The following ADAP1 variants were observed in gnomAD, a reference collection of about 807,000 sequenced individuals.
The protein encoded by ADAP1 is ArfGAP with dual PH domains 1.
In ADAP1, 31 loss-of-function variants were observed where a neutral mutation model predicts 54.9. The observed-to-expected ratio is 0.56, with a 90% CI of 0.42 to 0.76. ADAP1 has a LOEUF of 0.76. Ranked by LOEUF, ADAP1 falls within the 30% of genes least tolerant of loss-of-function variation. ADAP1 has a pLI of 0.00. For missense variants in ADAP1, 535 were observed against 512.4 expected (o/e 1.04, Z -0.42); for synonymous variants, 313 against 202.6 (o/e 1.55, Z -4.63).
intron 2 of ADAP1, among the ~76,000 whole-genome samples, chr7:930,516 AT>A (rs199686411): frequency 2.3e-4 from 34 of 144,764 alleles, no homozygotes; most frequent in African/African-American, 3.3e-4. Flanking sequence ...TCACTACAAA[AT>A]TTTTTTTTTT....
At chr7:902,638 C>T (rs1262010639) in intron 6 of ADAP1, among the ~76,000 whole-genome samples, 4 of 151,504 alleles carry the variant, frequency 2.6e-5, no homozygotes, top group Non-Finnish European at 4.4e-5. Context: ...GCACCAATAA[C>T]AGGAGTTTCA....
intron 4 of ADAP1, among the ~76,000 whole-genome samples, chr7:906,359 GGGAGAAA>G (rs1313810877): frequency 0.049 from 44 of 904 alleles, 10 homozygotes; most frequent in African/African-American, 0.18. Context: ...AAAGGAGAAA[GGGAGAAA>G]GAGAAAGGAG....
At chr7:927,074 A>T in intron 2 of ADAP1, 1 of 1,296,868 alleles carries the variant, frequency 7.7e-7, no homozygotes, top group Middle Eastern at 2.2e-4. Flanking sequence ...AAGAGCCAAC[A>T]GGCGCCAGAC....
chr7:903,621 G>A (rs1483566156), intron 6 of ADAP1, among the ~76,000 whole-genome samples: 1 of 152,060 alleles, frequency 6.6e-6, no homozygotes, highest in Admixed American at 6.5e-5. Context: ...GTTTTACCTG[G>A]GTTCCCCCCA....
chr7:928,847 G>A (rs751972061), intron 2 of ADAP1, among the ~76,000 whole-genome samples: 2 of 152,250 alleles, frequency 1.3e-5, no homozygotes, highest in South Asian at 2.1e-4. Context: ...CCTCTGCACC[G>A]TAAGAGACGC....
At position 946,148 on chromosome 7, in the gene ADAP1, C is replaced by T. The variant is rs1051407929; in HGVS notation, c.82+8248G>A. The stretch of plus-strand genomic sequence containing the variant: ...GCATGGCTGTCCCCCAGGCACACAG[C>T]GCCCCACTCCACGCCGGGACCCAGG... On this transcript the variant is annotated intron_variant, in intron 1 of 10. Transcript: ENST00000265846. The surrounding 1 kb of genome is among the most constrained non-coding windows in gnomAD (Gnocchi z 4.3). Among the ~76,000 whole-genome samples the T allele has an allele frequency of 2.0e-5, 3 of 152,224 alleles. No individual in the cohort carries two copies. Among genetic ancestry groups the T allele is most frequent in the Non-Finnish European group, 4.4e-5 (3 of 68,032 alleles).
intron 1 of ADAP1, among the ~76,000 whole-genome samples, chr7:936,566 C>T (rs978699343): frequency 5.9e-5 from 9 of 152,310 alleles, no homozygotes; most frequent in South Asian, 2.1e-4. Context: ...ATGTGGGGAG[C>T]GTCCAGCCCC....
At chr7:950,379 G>C (rs1368928904) in intron 1 of ADAP1, among the ~76,000 whole-genome samples, 3 of 151,922 alleles carry the variant, frequency 2.0e-5, no homozygotes, top group African/African-American at 7.3e-5. Flanking sequence ...CCAGCTACTC[G>C]GGAGGCTGAG....
chr7:900,052 C>T lies in ADAP1; in HGVS notation c.795+50G>A, dbSNP rs758357871. The T allele has an allele frequency of 2.0e-5, 32 of 1,606,434 alleles. No individual in the cohort carries two copies. In the South Asian group the frequency reaches 2.9e-4, roughly 14 times the overall value. ...GGCTGCTGCACTTCAGTCCGAGACC[C>T]ACCATGGCGTACCCCAGGCCACCCC... On this transcript the variant is annotated intron_variant, in intron 8 of 10. Coordinates refer to ENST00000265846, the MANE Select transcript of ADAP1 (RefSeq NM_006869.4).
rs906150422 is a variant in ADAP1, at chr7:898,342, A to G, written c.*579T>C. On this transcript the variant is annotated 3_prime_UTR_variant, in exon 11 of 11. Coordinates refer to ENST00000265846, the MANE Select transcript of ADAP1 (RefSeq NM_006869.4). The stretch of plus-strand genomic sequence containing the variant: ...AGCCTGCTGGCCCCTCCAGGTGAGG[A>G]CCAGGAGCACAGGCTGTGGCAACTC... 5.9e-6 allele frequency: 1 copy of G among 170,112 alleles called. No homozygotes were observed. Among genetic ancestry groups the G allele is most frequent in the Non-Finnish European group, 1.3e-5 (1 of 78,080 alleles). 10.5% of individuals were successfully genotyped at this position (170,112 alleles called of 1,614,324 possible).
chr7:947,214 GT>G (rs373444087), intron 1 of ADAP1, among the ~76,000 whole-genome samples: 30,569 of 84,208 alleles, frequency 0.36, 4,827 homozygotes, highest in South Asian at 0.5. Flanking sequence ...TGATTTTTTG[GT>G]TTTTTTTTTT....
At chr7:902,139 T>G (rs959820814) in intron 6 of ADAP1, among the ~76,000 whole-genome samples, 1 of 151,190 alleles carries the variant, frequency 6.6e-6, no homozygotes, top group Admixed American at 6.6e-5. Context: ...CTGACCAACA[T>G]GGTGAAACCC....
intron 4 of ADAP1, among the ~76,000 whole-genome samples, chr7:916,148 C>A (rs924847102): frequency 1.3e-5 from 2 of 152,214 alleles, no homozygotes; most frequent in East Asian, 3.8e-4. Flanking sequence ...CTTTTTCCAG[C>A]ACTTCTGTGA....
At chr7:935,616 C>A in intron 1 of ADAP1, 111 bp from the exon 2 acceptor site, 2 of 1,359,504 alleles carry the variant, frequency 1.5e-6, no homozygotes, top group South Asian at 1.4e-5. Context: ...GGGGCTTCAG[C>A]GGAGACCCCC....
intron 9 of ADAP1, 43 bp from the exon 10 acceptor site, chr7:899,304 C>G (rs1263361917): frequency 6.2e-7 from 1 of 1,608,606 alleles, no homozygotes; most frequent in Non-Finnish European, 8.5e-7. Context: ...ATGTCCCTTC[C>G]AGCCCCGCTT....
At chr7:929,696 G>C (rs192462714) in intron 2 of ADAP1, among the ~76,000 whole-genome samples, 1 of 152,246 alleles carries the variant, frequency 6.6e-6, no homozygotes, top group Non-Finnish European at 1.5e-5. Context: ...ATGTCCTGAA[G>C]TTAGACAGTG....
At chr7:932,707 G>C (rs1330023539) in intron 2 of ADAP1, among the ~76,000 whole-genome samples, 1 of 152,114 alleles carries the variant, frequency 6.6e-6, no homozygotes, top group Non-Finnish European at 1.5e-5. Flanking sequence ...CAGTGAAGGT[G>C]GGTCGAAGGG....
chr7:904,350 G>A, intron 5 of ADAP1, 78 bp from the exon 6 acceptor site: 1 of 1,497,816 alleles, frequency 6.7e-7, no homozygotes, highest in African/African-American at 1.4e-5. Context: ...AGACCCTGTG[G>A]GTGCTGGCGG....
chr7:943,886 AAGAG>A (rs150798217), intron 1 of ADAP1, among the ~76,000 whole-genome samples: 27 of 150,266 alleles, frequency 1.8e-4, no homozygotes, highest in African/African-American at 6.7e-4. Flanking sequence ...GAAGAGGAGA[AAGAG>A]AGAAATTGAC....
Sources: allele counts gnomAD v4.1 joint callset (sites outside exome capture counted in the v4.1 genomes callset), GRCh38; gene constraint gnomAD v4.1.1; non-coding constraint Gnocchi (gnomAD v3.1); transcripts MANE v1.5; gene names NCBI Gene and HGNC (gene_info 2026-07-23, HGNC 2026-07-21).